Variants in DNM2 observed in about 807,000 individuals in gnomAD.
The protein encoded by DNM2 is dynamin 2, also known as dynamin-2.
Under a neutral mutation model 99.0 loss-of-function variants are expected in DNM2, and 15 were observed. The ratio of observed to expected loss-of-function variants is 0.15; its 90% CI spans 0.10 to 0.23. The LOEUF is 0.23. Among genes scored for constraint, DNM2 ranks in the 10% least tolerant of loss-of-function variants. The pLI is 1.00. For missense variants in DNM2, 742 were observed against 1,189.4 expected, an observed-to-expected ratio of 0.62 and a Z score of 5.53; for synonymous variants, 525 against 481.2, an observed-to-expected ratio of 1.09 and a Z score of -1.19.
chr19:10,754,113 A>T (rs1162703715), intron 1 of DNM2, among the ~76,000 whole-genome samples: 3 of 152,136 alleles, frequency 2.0e-5, no homozygotes, highest in African/African-American at 7.2e-5. Context: ...TCTTATTGAG[A>T]AACTAACAGG....
rs1246784028 is a variant in DNM2 at position 10,788,310 on chromosome 19, G to T, written c.992+1604G>T. 2.0e-5 allele frequency among the ~76,000 whole-genome samples: 3 copies of T among 152,184 alleles called. No individual in the cohort carries two copies. In the South Asian group the frequency reaches 6.2e-4, roughly 31 times the overall value. ...TGAGGGCAGGGCAGGAGCCGTGTGG[G>T]ATTAAGCCCGGCCAGTGCAAAGGCC... On this transcript the variant is annotated intron_variant, in intron 7 of 20. Transcript: ENST00000389253.
chr19:10,728,423 G>C (rs904573477), intron 1 of DNM2, among the ~76,000 whole-genome samples: 16 of 152,178 alleles, frequency 1.1e-4, no homozygotes, highest in African/African-American at 3.9e-4. Flanking sequence ...TGGGTGGGAA[G>C]GTGTGGGCCT....
chr19:10,778,585 G>A (rs886354549), intron 5 of DNM2, among the ~76,000 whole-genome samples: 17 of 151,930 alleles, frequency 1.1e-4, no homozygotes, highest in Admixed American at 5.9e-4. Context: ...CCAGGAGTTC[G>A]AAGCTGCAGT....
At chr19:10,822,572 C>T (rs900877090) in intron 16 of DNM2, among the ~76,000 whole-genome samples, 1 of 151,948 alleles carries the variant, frequency 6.6e-6, no homozygotes, top group African/African-American at 2.4e-5. Flanking sequence ...AATCTTGGCT[C>T]ACTGCAACTT....
At chr19:10,808,409 T>C in intron 13 of DNM2, 160 bp from the exon 14 acceptor site, 2 of 635,814 alleles carry the variant, frequency 3.1e-6, no homozygotes, top group Non-Finnish European at 5.3e-6. Flanking sequence ...ATTAATAGCA[T>C]GTAATTTTTT....
chr19:10,744,364 A>G (rs2069883065), intron 1 of DNM2, among the ~76,000 whole-genome samples: 1 of 152,094 alleles, frequency 6.6e-6, no homozygotes, highest in South Asian at 2.1e-4. Context: ...GGGTGGGACA[A>G]AGACCTCAAG....
chr19:10,732,488 T>A lies in DNM2; in HGVS notation c.161+14085T>A, dbSNP rs191585544. 8.9e-3 allele frequency among the ~76,000 whole-genome samples: 1,351 copies of A among 151,624 alleles called. 12 individuals carry two copies. The highest frequency in any genetic ancestry group is 0.031 in the African/African-American group (1,271 of 41,390). On this transcript the variant is annotated intron_variant, in intron 1 of 20. Transcript: ENST00000389253. ...GGTGGCGAGCGCCTGTAGTCCCAGCTACTCGGGAGGCTGAGGCAAGAGAAT... is the reference window on the plus strand; with the variant it reads ...GGTGGCGAGCGCCTGTAGTCCCAGCAACTCGGGAGGCTGAGGCAAGAGAAT...
At chr19:10,729,164 CAAAAA>C (rs919370114) in intron 1 of DNM2, among the ~76,000 whole-genome samples, 34 of 44,430 alleles carry the variant, frequency 7.7e-4, no homozygotes, top group African/African-American at 2.0e-3. Context: ...GACTCCGTCT[CAAAAA>C]AAAAAAAAAA....
At chr19:10,738,156 G>T (rs927420004) in intron 1 of DNM2, among the ~76,000 whole-genome samples, 2 of 152,104 alleles carry the variant, frequency 1.3e-5, no homozygotes, top group Admixed American at 6.6e-5. Flanking sequence ...ACTTTGGAAG[G>T]CCGAGGTGGG....
Position 10,786,628 on chromosome 19 carries a change from T to C in DNM2, c.914T>C (p.Leu305Pro). The change falls in exon 7 of 21, where the codon CTG (leucine) becomes CCG (proline). Residue 305 changes from leucine (L) to proline (P), a missense_variant. Physicochemically the swap from Leu to Pro is moderately conservative, Grantham distance 98. Transcript: ENST00000389253. Reference sequence around the variant, plus strand: ...CGTAGCAAACTACAGAGCCAGCTGCTGTCCCTGGAGAAGGAGGTGGAGGAG... The same window carrying C: ...CGTAGCAAACTACAGAGCCAGCTGCCGTCCCTGGAGAAGGAGGTGGAGGAG... ...ALRSKLQSQL[L>P]SLEKEVEEYK... 1.2e-6 allele frequency: 2 copies of C among 1,614,174 alleles called. No homozygotes were observed. Among genetic ancestry groups the C allele is most frequent in the Non-Finnish European group, 8.5e-7 (1 of 1,180,030 alleles).
intron 1 of DNM2, among the ~76,000 whole-genome samples, chr19:10,759,151 G>A (rs2070530456): frequency 6.6e-6 from 1 of 152,158 alleles, no homozygotes; most frequent in Non-Finnish European, 1.5e-5. Context: ...TAGAGATGGG[G>A]TCTTACTATC....
chr19:10,784,521 G>T (rs1466928285), intron 6 of DNM2, among the ~76,000 whole-genome samples: 1 of 152,190 alleles, frequency 6.6e-6, no homozygotes, highest in Admixed American at 6.5e-5. Flanking sequence ...CCTGGAGGGG[G>T]CTCAGCCTCC....
At chr19:10,799,465 G>A (rs1301160803) in intron 11 of DNM2, among the ~76,000 whole-genome samples, 1 of 151,886 alleles carries the variant, frequency 6.6e-6, no homozygotes, top group East Asian at 1.9e-4. Flanking sequence ...GGGAATGGAT[G>A]GAGCACAGCA....
intron 1 of DNM2, among the ~76,000 whole-genome samples, chr19:10,742,077 A>C (rs1408865994): frequency 6.6e-6 from 1 of 151,608 alleles, no homozygotes; most frequent in Non-Finnish European, 1.5e-5. Flanking sequence ...TTATAGCTGC[A>C]AGTATTCCTG....
At chr19:10,749,627 G>A (rs574150617) in intron 1 of DNM2, among the ~76,000 whole-genome samples, 18 of 152,356 alleles carry the variant, frequency 1.2e-4, no homozygotes, top group African/African-American at 3.6e-4. Context: ...CAGGAGGGGC[G>A]GAGCTCGACT....
chr19:10,808,847 AG>A, intron 14 of DNM2: 1 of 457,778 alleles, frequency 2.2e-6, no homozygotes, highest in Non-Finnish European at 3.9e-6. Flanking sequence ...GGTTTCCTGT[AG>A]GTCAGGGATG....
chr19:10,732,152 C>T (rs955462564), intron 1 of DNM2, among the ~76,000 whole-genome samples: 1 of 151,354 alleles, frequency 6.6e-6, no homozygotes, highest in Non-Finnish European at 1.5e-5. Context: ...GACTGGGTTT[C>T]ACCATGGCCA....
intron 14 of DNM2, chr19:10,810,124 C>G (rs2072490088): frequency 6.5e-6 from 1 of 152,690 alleles, no homozygotes; most frequent in Non-Finnish European, 1.5e-5. Context: ...GGCCAGGACC[C>G]TCACCCAGGA....
chr19:10,801,919 A>G (rs553053095), intron 11 of DNM2, among the ~76,000 whole-genome samples: 9 of 151,768 alleles, frequency 5.9e-5, no homozygotes, highest in African/African-American at 2.2e-4. Context: ...AAAAAAAAAA[A>G]AAAAACAAAA....
Sources: allele counts gnomAD v4.1 joint callset (sites outside exome capture counted in the v4.1 genomes callset), GRCh38; gene constraint gnomAD v4.1.1; transcripts MANE v1.5; gene names NCBI Gene and HGNC (gene_info 2026-07-23, HGNC 2026-07-21).